The following OSBPL2 variants were observed in gnomAD, a reference collection of about 807,000 sequenced individuals.
The protein encoded by OSBPL2 is oxysterol binding protein like 2.
In OSBPL2, 18 loss-of-function variants were observed where a neutral mutation model predicts 58.4. The ratio of observed to expected loss-of-function variants is 0.31; its 90% CI spans 0.21 to 0.46. OSBPL2 has a LOEUF of 0.46. Among genes scored for constraint, OSBPL2 ranks in the 20% least tolerant of loss-of-function variants. The pLI is 1.00. For synonymous variants in OSBPL2, 221 were observed against 234.1 expected, an observed-to-expected ratio of 0.94 and a Z score of 0.51; for missense variants, 461 against 616.5, an observed-to-expected ratio of 0.75 and a Z score of 2.67.
In OSBPL2 at chr20:62,291,775, A is replaced by C. The variant is rs560977879; in HGVS notation, c.1322A>C (p.Glu441Ala). ...GCACGGAGGGAGCGGGCCAAGGAGG[A>C]GGCAGAGTGGCAGACGAGGTGAGTA... Reference protein sequence around the residue: ...REARRERAKEEAEWQTRWFYP... With the variant: ...REARRERAKEAAEWQTRWFYP... The change falls in exon 13 of 14, where the codon GAG becomes GCG. Residue 441 changes from glutamate to alanine, a missense_variant. By Grantham distance (107) the Glu-to-Ala change is moderately radical (BLOSUM62 -1). Transcript: ENST00000313733. 27 of 1,603,956 alleles carry C rather than the reference A, an allele frequency of 1.7e-5. No homozygotes were observed. The highest frequency in any genetic ancestry group is 2.5e-6 in the Non-Finnish European group (3 of 1,176,646).
At chr20:62,291,501 C>T (rs549394972) in intron 12 of OSBPL2, 7 of 617,596 alleles carry the variant, frequency 1.1e-5, no homozygotes, top group South Asian at 8.8e-5. Flanking sequence ...TACTCAGCTC[C>T]GCTTGGGAAG....
chr20:62,292,432 G>A (rs954294960), intron 13 of OSBPL2, among the ~76,000 whole-genome samples: 1 of 152,254 alleles, frequency 6.6e-6, no homozygotes, highest in Non-Finnish European at 1.5e-5. Context: ...TGCACATGGA[G>A]GCTGGGACGG....
At chr20:62,278,762 G>C in intron 6 of OSBPL2, 2 of 180,658 alleles carry the variant, frequency 1.1e-5, no homozygotes, top group Non-Finnish European at 2.2e-5. Context: ...ACGTTAGGCC[G>C]AGTGCGATGT....
At chr20:62,254,245 G>A (rs1601157610) in intron 1 of OSBPL2, among the ~76,000 whole-genome samples, 1 of 152,130 alleles carries the variant, frequency 6.6e-6, no homozygotes, top group African/African-American at 2.4e-5. Context: ...TTGGAGGGAC[G>A]CACATTCCAA....
At chr20:62,273,178 G>C (rs1055896177) in intron 5 of OSBPL2, 131 bp from the exon 6 acceptor site, 1 of 737,772 alleles carries the variant, frequency 1.4e-6, no homozygotes, top group Non-Finnish European at 2.3e-6. Context: ...CACTGCTCGG[G>C]GAAAACTGAA....
chr20:62,255,470 C>T (rs1227635233), intron 1 of OSBPL2, among the ~76,000 whole-genome samples: 1 of 151,786 alleles, frequency 6.6e-6, no homozygotes, highest in East Asian at 1.9e-4. Context: ...GTAGATAATG[C>T]TTTTAATTTT....
At chr20:62,279,483 C>T (rs1982638520) in intron 7 of OSBPL2, 144 bp downstream of exon 7, 2 of 763,722 alleles carry the variant, frequency 2.6e-6, no homozygotes, top group Admixed American at 5.8e-5. Context: ...GAAACGTCTT[C>T]AGATGAGCTT....
In OSBPL2 at chr20:62,272,268, T is replaced by C; in HGVS notation, c.393+9T>C. The C allele has an allele frequency of 6.2e-7, 1 of 1,612,184 alleles. No homozygotes were observed. The highest frequency in any genetic ancestry group is 8.5e-7 in the Non-Finnish European group (1 of 1,179,478). ...CCCTGGAGAGGATGCAGGTGGGCCT[T>C]AGGGGTGCCAGGCAGGAGTTTGTCA... On this transcript the variant is annotated intron_variant, in intron 5 of 13. Coordinates refer to ENST00000313733, the MANE Select transcript of OSBPL2 (RefSeq NM_144498.4).
intron 1 of OSBPL2, among the ~76,000 whole-genome samples, chr20:62,254,165 A>G (rs1461570267): frequency 6.6e-6 from 1 of 152,156 alleles, no homozygotes; most frequent in Non-Finnish European, 1.5e-5. Flanking sequence ...CAGAGCCCTC[A>G]CAGTCCCACC....
At chr20:62,267,034 G>A (rs1186485701) in intron 4 of OSBPL2, among the ~76,000 whole-genome samples, 6 of 152,190 alleles carry the variant, frequency 3.9e-5, no homozygotes, top group Admixed American at 2.0e-4. Context: ...AGGATCGCTC[G>A]AGGCTACGGG....
intron 6 of OSBPL2, among the ~76,000 whole-genome samples, chr20:62,274,682 C>T (rs935123000): frequency 6.6e-6 from 1 of 152,170 alleles, no homozygotes; most frequent in African/African-American, 2.4e-5. Context: ...TCAGTGGAGC[C>T]CAGCACACAG....
chr20:62,281,681 C>T lies in OSBPL2; in HGVS notation c.783-109C>T, dbSNP rs1982795388. On this transcript the variant is annotated intron_variant, in intron 8 of 13. Transcript: ENST00000313733. ...AAGGCCCACCACACCCATTTGCAGT[C>T]ACCCCCCGCCTGCCCCAGGGGCCTC... 6.7e-6 allele frequency: 5 copies of T among 741,326 alleles called. No individual in the cohort carries two copies. The East Asian group carries it at 1.3e-4, about 19-fold the overall frequency. The allele number at this position is 741,326 out of a possible 1,614,324, so 45.9% of individuals were successfully genotyped here.
chr20:62,292,723 CAAT>C (rs1163215553), intron 13 of OSBPL2, among the ~76,000 whole-genome samples: 13 of 152,170 alleles, frequency 8.5e-5, no homozygotes, highest in Non-Finnish European at 7.3e-5. Flanking sequence ...GGCCCAACAA[CAAT>C]GATACCCGGT....
chr20:62,290,744 T>C (rs986779836), intron 12 of OSBPL2, among the ~76,000 whole-genome samples: 1 of 140,610 alleles, frequency 7.1e-6, no homozygotes, highest in Admixed American at 7.1e-5. Context: ...GTTTTTTTTG[T>C]TTTTTTTTTT....
At chr20:62,254,427 C>A (rs1223586397) in intron 1 of OSBPL2, among the ~76,000 whole-genome samples, 5 of 152,266 alleles carry the variant, frequency 3.3e-5, no homozygotes, top group Non-Finnish European at 7.3e-5. Context: ...AGCAACTTCT[C>A]CCGTCTGCAA....
chr20:62,252,426 C>T (rs542382509), intron 1 of OSBPL2, among the ~76,000 whole-genome samples: 6 of 152,230 alleles, frequency 3.9e-5, no homozygotes, highest in African/African-American at 1.2e-4. Flanking sequence ...CGCAGGTAGT[C>T]GAACATGGTG....
At chr20:62,271,261 C>CTCTG (rs11474627) in intron 4 of OSBPL2, among the ~76,000 whole-genome samples, 1 of 151,968 alleles carries the variant, frequency 6.6e-6, no homozygotes, top group Non-Finnish European at 1.5e-5. Context: ...GCCATGCGCC[C>CTCTG]TGCCGTCCAG....
rs751319753 is a variant in OSBPL2, at chr20:62,272,151, C to T, written c.285C>T (p.Ile95=). Residue 95 remains isoleucine, a synonymous_variant, in exon 5 of 14, where the codon ATC becomes ATT. Coordinates refer to ENST00000313733, the MANE Select transcript of OSBPL2 (RefSeq NM_144498.4). ...AGCTGTCCAAGATCACGATGCCAAT[C>T]GCCTTCAACGAGCCTCTGAGCTTCT... ...GLELSKITMP[I]AFNEPLSFLQ... is the part of the protein sequence containing the mutation. 58 of 1,613,732 alleles carry T rather than the reference C, an allele frequency of 3.6e-5. No individual in the cohort carries two copies. The highest frequency in any genetic ancestry group is 4.5e-5 in the East Asian group (2 of 44,884).
At chr20:62,256,838 TCTC>T (rs1980956832) in intron 2 of OSBPL2, among the ~76,000 whole-genome samples, 1 of 152,242 alleles carries the variant, frequency 6.6e-6, no homozygotes, top group African/African-American at 2.4e-5. Flanking sequence ...AGCCGCCCCT[TCTC>T]CTGGCACAGG....
Sources: gnomAD v4.1 joint callset for allele counts (sites outside exome capture counted in the v4.1 genomes callset) on GRCh38, gnomAD v4.1.1 for gene constraint, MANE v1.5 for transcripts, NCBI Gene and HGNC (gene_info 2026-07-23, HGNC 2026-07-21) for gene names.